ZNF18: variants seen among roughly 807,000 people sequenced by gnomAD.
ZNF18 encodes the protein heart development-specific gene 1 protein.
A neutral mutation model predicts 58.1 loss-of-function variants in ZNF18; 42 were observed. The observed-to-expected ratio is 0.72, with a 90% CI of 0.56 to 0.93. ZNF18 has a LOEUF of 0.93. ZNF18 is among the 40% of genes least tolerant of loss of function. The pLI is 0.00. For missense variants in ZNF18, 540 were observed against 644.2 expected, an observed-to-expected ratio of 0.84 and a Z score of 1.75; for synonymous variants, 231 against 239.8, an observed-to-expected ratio of 0.96 and a Z score of 0.34.
the ZNF18 span, among the ~76,000 whole-genome samples, chr17:12,019,663 A>T: frequency 6.6e-6 from 1 of 152,108 alleles, no homozygotes; most frequent in Non-Finnish European, 1.5e-5. Context: ...AGCCACTTTT[A>T]GGATCTGAGC....
chr17:12,004,425 G>C, the ZNF18 span, among the ~76,000 whole-genome samples: 1 of 152,080 alleles, frequency 6.6e-6, no homozygotes, highest in Admixed American at 6.6e-5. Flanking sequence ...ATCTCAGTTT[G>C]AAGATAACAG....
chr17:12,003,982 T>C, the ZNF18 span, among the ~76,000 whole-genome samples: 1 of 152,104 alleles, frequency 6.6e-6, no homozygotes, highest in Non-Finnish European at 1.5e-5. Flanking sequence ...CCTGTAATCC[T>C]AGCACTTTGG....
At chr17:12,011,156 T>TC in the ZNF18 span, 1 of 594,632 alleles carries the variant, frequency 1.7e-6, no homozygotes, top group African/African-American at 1.9e-5. Flanking sequence ...AAGGAACAAC[T>TC]CCATGTTTTC....
At position 11,984,135 on chromosome 17, in the gene ZNF18, G is replaced by T. The variant is rs770767387; in HGVS notation, c.729C>A (p.Thr243=). ...CACCTCCTGAGACCATTTTCCCATA[G>T]GTCTCCAGCATGAGATCCCAGTATT... is the stretch of plus-strand genomic sequence containing the variant. ...KEQYWDLMLE[T]YGKMVSGAGI... The change falls in exon 5 of 7, where the codon ACC becomes ACA. Residue 243 remains threonine, a synonymous_variant. Coordinates refer to ENST00000580306, the MANE Select transcript of ZNF18 (RefSeq NM_001303281.2). The T allele has an allele frequency of 6.2e-7, 1 of 1,612,472 alleles. No homozygotes were observed. The highest frequency in any genetic ancestry group is 1.3e-5 in the African/African-American group (1 of 74,544).
upstream of ZNF18, among the ~76,000 whole-genome samples, chr17:11,999,748 GAA>G (rs1968624731): frequency 6.6e-6 from 1 of 152,166 alleles, no homozygotes; most frequent in Non-Finnish European, 1.5e-5. Flanking sequence ...TAGGTGTTGT[GAA>G]GAAAATTACA....
intron 1 of ZNF18, among the ~76,000 whole-genome samples, chr17:11,994,705 G>A (rs1414430271): frequency 6.6e-6 from 1 of 152,142 alleles, no homozygotes; most frequent in African/African-American, 2.4e-5. Flanking sequence ...GCCAGGCGTG[G>A]TGGCGGGCGC....
At chr17:12,000,442 T>C (rs1033431983), upstream of ZNF18, among the ~76,000 whole-genome samples, 3 of 152,086 alleles carry the variant, frequency 2.0e-5, no homozygotes, top group Non-Finnish European at 4.4e-5. Context: ...GGTGTGGTGG[T>C]TCACGCCTGT....
chr17:11,996,140 A>G (rs922637617), intron 1 of ZNF18, among the ~76,000 whole-genome samples: 1 of 152,238 alleles, frequency 6.6e-6, no homozygotes, highest in Non-Finnish European at 1.5e-5. Flanking sequence ...AAAATCACAA[A>G]GGAAATTAAA....
intron 2 of ZNF18, among the ~76,000 whole-genome samples, chr17:11,992,136 G>C (rs190622575): frequency 6.6e-6 from 1 of 152,186 alleles, no homozygotes; most frequent in African/African-American, 2.4e-5. Context: ...TATCAAACTT[G>C]AAGAGAAGAC....
Position 11,983,277 on chromosome 17 carries a change from A to G in ZNF18, c.862+20T>C. The G allele has an allele frequency of 6.4e-7, 1 of 1,569,294 alleles. No individual in the cohort carries two copies. The highest frequency in any genetic ancestry group is 1.7e-5 in the Admixed American group (1 of 59,914). On this transcript the variant is annotated intron_variant, in intron 6 of 6. Coordinates refer to ENST00000580306, the MANE Select transcript of ZNF18 (RefSeq NM_001303281.2). ...GACAGGCAGTCAGAAATGATTCCAG[A>G]CCAATGAAAGATTACTCACCTATGC... is the stretch of plus-strand genomic sequence containing the variant.
intron 4 of ZNF18, among the ~76,000 whole-genome samples, chr17:11,989,504 T>G (rs1456670323): frequency 6.6e-6 from 1 of 152,030 alleles, no homozygotes; most frequent in Non-Finnish European, 1.5e-5. Flanking sequence ...GAGAAAAAAT[T>G]GAACACATTA....
At chr17:12,009,252 C>G in the ZNF18 span, 1 of 150,436 alleles carries the variant, frequency 6.6e-6, no homozygotes, top group Admixed American at 6.6e-5. Context: ...TTTTTTTTTG[C>G]CATCCTTTTA....
chr17:11,995,858 T>C (rs907284279), intron 1 of ZNF18, among the ~76,000 whole-genome samples: 1 of 152,128 alleles, frequency 6.6e-6, no homozygotes, highest in Non-Finnish European at 1.5e-5. Context: ...ATGACTGATA[T>C]CTTAAAATTA....
At chr17:12,004,318 A>G in the ZNF18 span, among the ~76,000 whole-genome samples, 1 of 152,128 alleles carries the variant, frequency 6.6e-6, no homozygotes, top group Non-Finnish European at 1.5e-5. Flanking sequence ...GAATCAGTGG[A>G]TTTATGGATT....
At chr17:11,998,444 A>C (rs2151491892), upstream of ZNF18, 1 of 152,360 alleles carries the variant, frequency 6.6e-6, no homozygotes, top group South Asian at 2.1e-4. Flanking sequence ...TAAATAAAAA[A>C]TAAAAATTTA....
chr17:11,983,536 C>G (rs1747342255), intron 5 of ZNF18, 129 bp from the exon 6 acceptor site: 1 of 678,358 alleles, frequency 1.5e-6, no homozygotes, highest in African/African-American at 1.8e-5. Flanking sequence ...CAGAAACTCA[C>G]CTTAGAACAG....
At chr17:11,985,907 G>A (rs1395970730) in intron 4 of ZNF18, among the ~76,000 whole-genome samples, 2 of 152,196 alleles carry the variant, frequency 1.3e-5, no homozygotes, top group Non-Finnish European at 2.9e-5. Context: ...GAATAGAAAT[G>A]AGGAAAGGAA....
the ZNF18 span, among the ~76,000 whole-genome samples, chr17:12,019,852 C>T: frequency 6.6e-6 from 1 of 152,276 alleles, no homozygotes; most frequent in Admixed American, 6.5e-5. Flanking sequence ...AGAAAATGTC[C>T]AGCTCCATGG....
intron 6 of ZNF18, among the ~76,000 whole-genome samples, chr17:11,979,267 T>C (rs533168719): frequency 2.0e-5 from 3 of 152,346 alleles, no homozygotes; most frequent in Admixed American, 2.0e-4. Flanking sequence ...TGCAGGTATA[T>C]GCTATTTTCT....
Sources: gnomAD v4.1 joint callset for allele counts (sites outside exome capture counted in the v4.1 genomes callset) on GRCh38, gnomAD v4.1.1 for gene constraint, MANE v1.5 for transcripts, NCBI Gene and HGNC (gene_info 2026-07-23, HGNC 2026-07-21) for gene names.